Variants in C5orf47 observed in about 807,000 individuals in gnomAD.
C5orf47 encodes chromosome 5 open reading frame 47, also known as uncharacterized protein C5orf47.
C5orf47 carries 20 observed loss-of-function variants against 20.6 expected under a neutral mutation model. That is an observed-to-expected ratio of 0.97 (90% CI 0.68 to 1.41). C5orf47 has a LOEUF of 1.41. Among genes scored for constraint, C5orf47 ranks in the 40% most tolerant of loss-of-function variants. The probability of loss-of-function intolerance (pLI) is 0.00; values close to 1 mark genes in which losing one functional copy is unlikely to be tolerated. For synonymous variants in C5orf47, 106 were observed against 97.3 expected, an observed-to-expected ratio of 1.09 and a Z score of -0.53; for missense variants, 262 against 238.4, an observed-to-expected ratio of 1.10 and a Z score of -0.65.
intron 3 of C5orf47, 127 bp downstream of exon 3, chr5:173,999,926 G>A: frequency 1.8e-6 from 1 of 545,948 alleles, no homozygotes; most frequent in Non-Finnish European, 3.3e-6. Context: ...ATAGAAATGA[G>A]GCTACCATAT....
At chr5:173,989,727 G>A in intron 1 of C5orf47, 139 bp downstream of exon 1, 1 of 764,310 alleles carries the variant, frequency 1.3e-6, no homozygotes, top group Non-Finnish European at 1.9e-6. Context: ...AGCACGCGCA[G>A]GGGCGAAGGA....
chr5:174,007,999 C>T (rs762126401), downstream of C5orf47, among the ~76,000 whole-genome samples: 1 of 152,140 alleles, frequency 6.6e-6, no homozygotes, highest in Non-Finnish European at 1.5e-5. Context: ...TACTGGAGGC[C>T]TTGGTAAAAG....
Position 173,989,287 on chromosome 5 carries a change from G to A in C5orf47, c.24G>A (p.Arg8=). 3 of 1,389,112 alleles carry A rather than the reference G, an allele frequency of 2.2e-6. No homozygotes were observed. Among genetic ancestry groups the A allele is most frequent in the Non-Finnish European group, 1.9e-6 (2 of 1,067,234 alleles). The allele number at this position is 1,389,112 out of a possible 1,614,324, so 86.0% of individuals were successfully genotyped here. A position where few individuals can be genotyped will look rare whatever the true frequency, so the allele number is the denominator to read the frequency against. Reference sequence around the variant, plus strand: ...CGATGGCGGCGGCAGGCCGGGGTCGGGAGCAGGACTCGGCGCGCTTCGTCT... The same window carrying A: ...CGATGGCGGCGGCAGGCCGGGGTCGAGAGCAGGACTCGGCGCGCTTCGTCT... The part of the protein sequence containing the change: MAAAGRG[R]EQDSARFVYV... The change falls in exon 1 of 5, where the codon CGG becomes CGA. Residue 8 remains arginine, a synonymous_variant. Coordinates refer to ENST00000340147, the MANE Select transcript of C5orf47 (RefSeq NM_001144954.2).
Position 174,004,456 on chromosome 5 carries a change from A to C in C5orf47, c.*202A>C, listed in dbSNP as rs535741630. ...TTCTTTGCTACTTAATAATACCTTTAGTTAAATATTGTTAACCATATGCAT... is the reference window on the plus strand; with the variant it reads ...TTCTTTGCTACTTAATAATACCTTTCGTTAAATATTGTTAACCATATGCAT... On this transcript the variant is annotated 3_prime_UTR_variant, in exon 5 of 5. Coordinates refer to ENST00000340147, the MANE Select transcript of C5orf47 (RefSeq NM_001144954.2). 1.5e-4 allele frequency: 23 copies of C among 152,324 alleles called. No homozygotes were observed. The highest frequency in any genetic ancestry group is 5.3e-4 in the African/African-American group (22 of 41,584). The allele number at this position is 152,324 out of a possible 1,614,324, so 9.4% of individuals were successfully genotyped here.
rs1220306059 is a variant in C5orf47 at position 173,989,604 on chromosome 5, A to G, written c.325+16A>G. On this transcript the variant is annotated intron_variant, in intron 1 of 4. Coordinates refer to ENST00000340147, the MANE Select transcript of C5orf47 (RefSeq NM_001144954.2). The stretch of plus-strand genomic sequence containing the variant: ...GCGCGTGCAGGTGGTGCAGCGGGGC[A>G]GGGCGGGACCGGGCGCGGCGGGGCG... 2.5e-6 allele frequency: 3 copies of G among 1,217,278 alleles called. No homozygotes were observed. Among genetic ancestry groups the G allele is most frequent in the Non-Finnish European group, 3.2e-6 (3 of 938,218 alleles). 75.4% of individuals were successfully genotyped at this position (1,217,278 alleles called of 1,614,324 possible).
chr5:173,997,960 T>C (rs1460031821), intron 1 of C5orf47, among the ~76,000 whole-genome samples, 193 bp from the exon 2 acceptor site: 1 of 152,118 alleles, frequency 6.6e-6, no homozygotes, highest in African/African-American at 2.4e-5. Flanking sequence ...ACTTGCCAGA[T>C]TATGTCTAGT....
chr5:173,996,180 A>C (rs1337992269), intron 1 of C5orf47, among the ~76,000 whole-genome samples: 2 of 151,944 alleles, frequency 1.3e-5, no homozygotes, highest in Admixed American at 1.3e-4. Flanking sequence ...TGGGGAAAAC[A>C]TGTGAACAAA....
chr5:174,001,061 C>T (rs1759187865), intron 3 of C5orf47, 135 bp from the exon 4 acceptor site: 1 of 663,492 alleles, frequency 1.5e-6, no homozygotes, highest in African/African-American at 1.9e-5. Flanking sequence ...AACTACATTA[C>T]AGAACTTCTT....
At position 174,000,650 on chromosome 5, in the gene C5orf47, A is replaced by G. The variant is rs193266680; in HGVS notation, c.512-546A>G. Among the ~76,000 whole-genome samples the G allele has an allele frequency of 1.0e-3, 159 of 152,266 alleles. No individual in the cohort carries two copies. The South Asian group carries it at 0.015, about 14-fold the overall frequency. On this transcript the variant is annotated intron_variant, in intron 3 of 4. Coordinates refer to ENST00000340147, the MANE Select transcript of C5orf47 (RefSeq NM_001144954.2). ...TTCATAAGATAATCATGAAAACAGA[A>G]TGCCATTTTGCAAGCAGTGGAAACT...
intron 2 of C5orf47, 145 bp downstream of exon 2, chr5:173,998,383 C>G: frequency 1.8e-6 from 1 of 554,492 alleles, no homozygotes; most frequent in East Asian, 3.2e-5. Context: ...AGAAGTAATT[C>G]AGAAGAAATG....
intron 1 of C5orf47, among the ~76,000 whole-genome samples, chr5:173,991,824 A>C (rs994467252): frequency 6.6e-6 from 1 of 152,216 alleles, no homozygotes; most frequent in Non-Finnish European, 1.5e-5. Flanking sequence ...ACTTCATAAA[A>C]GGAATTAGGA....
chr5:174,008,764 C>T (rs904891147), downstream of C5orf47, among the ~76,000 whole-genome samples: 25 of 143,624 alleles, frequency 1.7e-4, no homozygotes, highest in Non-Finnish European at 1.0e-4. Context: ...ACCCGGGAGG[C>T]GGAGCTTGCA....
chr5:173,993,534 C>A (rs1421477191), intron 1 of C5orf47, among the ~76,000 whole-genome samples: 1 of 152,152 alleles, frequency 6.6e-6, no homozygotes, highest in Non-Finnish European at 1.5e-5. Context: ...ATCCCAGCTA[C>A]TGGGGAGGCT....
At chr5:174,008,149 G>A (rs764848754), downstream of C5orf47, among the ~76,000 whole-genome samples, 10 of 152,148 alleles carry the variant, frequency 6.6e-5, no homozygotes, top group Non-Finnish European at 7.4e-5. Flanking sequence ...GGTATGCTAG[G>A]ATATCCCTTC....
rs1208001284 is a variant in C5orf47 at position 173,999,859 on chromosome 5, C to G, written c.511+60C>G. The G allele has an allele frequency of 8.3e-6, 7 of 841,838 alleles. No individual in the cohort carries two copies. The East Asian group carries it at 1.6e-4, about 19-fold the overall frequency. The allele number at this position is 841,838 out of a possible 1,614,324, so 52.1% of individuals were successfully genotyped here. On this transcript the variant is annotated intron_variant, in intron 3 of 4. Coordinates refer to ENST00000340147, the MANE Select transcript of C5orf47 (RefSeq NM_001144954.2). Reference sequence around the variant, plus strand: ...CTGGCCTCTGTAACAGTTTAGTTATCCTGGGATTGCATGAGATCAGTAGTT... The same window carrying G: ...CTGGCCTCTGTAACAGTTTAGTTATGCTGGGATTGCATGAGATCAGTAGTT...
At chr5:173,993,727 C>G (rs1188119502) in intron 1 of C5orf47, among the ~76,000 whole-genome samples, 1 of 151,662 alleles carries the variant, frequency 6.6e-6, no homozygotes, top group African/African-American at 2.4e-5. Flanking sequence ...GCAGGTTAGA[C>G]TGAAAAAAAA....
chr5:173,993,316 C>T (rs1221176716), intron 1 of C5orf47, among the ~76,000 whole-genome samples: 1 of 151,908 alleles, frequency 6.6e-6, no homozygotes, highest in East Asian at 1.9e-4. Flanking sequence ...CTTAAGCTAC[C>T]CAGAAGCCCT....
At chr5:173,994,228 C>G (rs548680114) in intron 1 of C5orf47, among the ~76,000 whole-genome samples, 3 of 152,302 alleles carry the variant, frequency 2.0e-5, no homozygotes, top group Admixed American at 1.3e-4. Context: ...GCAGGCGTTG[C>G]AGTTTTCGGT....
intron 3 of C5orf47, among the ~76,000 whole-genome samples, chr5:174,000,584 TAGTC>T (rs1443376479): frequency 6.6e-6 from 1 of 152,126 alleles, no homozygotes; most frequent in Non-Finnish European, 1.5e-5. Flanking sequence ...TTCTATTTCA[TAGTC>T]AGTAAAATTG....
Sources: gnomAD v4.1 joint callset for allele counts (sites outside exome capture counted in the v4.1 genomes callset) on GRCh38, gnomAD v4.1.1 for gene constraint, MANE v1.5 for transcripts, NCBI Gene and HGNC (gene_info 2026-07-23, HGNC 2026-07-21) for gene names.